Variants in MED12L observed in about 807,000 individuals in gnomAD.
The protein encoded by MED12L is mediator complex subunit 12L.
A neutral mutation model predicts 281.3 loss-of-function variants in MED12L; 60 were observed. The ratio of observed to expected loss-of-function variants is 0.21; its 90% CI spans 0.17 to 0.26. The LOEUF is 0.26. MED12L is among the 10% of genes least tolerant of loss of function. The pLI is 1.00. For synonymous variants in MED12L, 974 were observed against 987.2 expected (o/e 0.99, Z 0.25); for missense variants, 2,146 against 2,680.9 (o/e 0.80, Z 4.41).
At chr3:151,416,759 A>G (rs1253011286) in intron 43 of MED12L, among the ~76,000 whole-genome samples, 1 of 152,192 alleles carries the variant, frequency 6.6e-6, no homozygotes, top group East Asian at 1.9e-4. Flanking sequence ...AGAGTGTCTT[A>G]CCATACTTTG....
intron 16 of MED12L, among the ~76,000 whole-genome samples, chr3:151,243,259 C>T (rs986721037): frequency 1.3e-5 from 2 of 151,738 alleles, no homozygotes; most frequent in African/African-American, 4.9e-5. Flanking sequence ...TCAGGAAGTA[C>T]AGAGAACGCC....
intron 16 of MED12L, chr3:151,261,252 A>C (rs1203990243): frequency 4.6e-5 from 7 of 152,122 alleles, no homozygotes; most frequent in African/African-American, 1.4e-4. Flanking sequence ...CCAAAAAAAA[A>C]CCCCAAAAGG....
chr3:151,411,416 A>G lies in MED12L; in HGVS notation c.6049A>G (p.Met2017Val). The change falls in exon 41 of 45, where the codon ATG becomes GTG. Residue 2017 changes from methionine to valine, a missense_variant. Around this residue, in one of 9 missense-constraint regions of MED12L, gnomAD observed 496 missense variants for 512.0 expected, o/e 0.97. Coordinates refer to ENST00000687756, the MANE Select transcript of MED12L (RefSeq NM_001393769.1). ...YPAAHSNPVL[M>V]ERLRQIQQQP... ...GGCCGCACATTCCAACCCCGTGCTA[A>G]TGGAAAGACTCAGACAGATTCAGCA... is the stretch of plus-strand genomic sequence containing the variant. 6.2e-7 allele frequency: 1 copy of G among 1,614,194 alleles called. No homozygotes were observed. Among genetic ancestry groups the G allele is most frequent in the Non-Finnish European group, 8.5e-7 (1 of 1,180,036 alleles).
chr3:151,347,613 G>A (rs1004141422), intron 16 of MED12L, among the ~76,000 whole-genome samples: 3 of 152,092 alleles, frequency 2.0e-5, no homozygotes, highest in Non-Finnish European at 2.9e-5. Context: ...GTGTAAGGAC[G>A]AGCAACAGCA....
In MED12L at chr3:151,396,091, T is replaced by G. The variant is rs541822860; in HGVS notation, c.5820+1224T>G. Among the ~76,000 whole-genome samples the G allele has an allele frequency of 5.3e-5, 8 of 152,314 alleles. No individual in the cohort carries two copies. In the South Asian group the frequency reaches 1.7e-3, roughly 32 times the overall value. On this transcript the variant is annotated intron_variant, in intron 39 of 44. Coordinates refer to ENST00000687756, the MANE Select transcript of MED12L (RefSeq NM_001393769.1). ...CTCCCTGAGTGTCAGAAAGGATGAG[T>G]CTAAGCTGCTGCTTGCACATAAATG...
chr3:151,374,609 C>CCT (rs1276802605), intron 27 of MED12L, among the ~76,000 whole-genome samples: 1 of 152,138 alleles, frequency 6.6e-6, no homozygotes, highest in Non-Finnish European at 1.5e-5. Flanking sequence ...AACAAACCTA[C>CCT]CTAAAAGGCT....
chr3:151,328,935 G>C (rs754757932), intron 16 of MED12L: 1 of 1,613,656 alleles, frequency 6.2e-7, no homozygotes, highest in Non-Finnish European at 8.5e-7. Context: ...TGTACTATCC[G>C]AGTGTCTCTG....
At chr3:151,297,873 C>CAT (rs963462783) in intron 16 of MED12L, among the ~76,000 whole-genome samples, 32 of 151,794 alleles carry the variant, frequency 2.1e-4, no homozygotes, top group African/African-American at 7.0e-4. Flanking sequence ...TACATATATA[C>CAT]ATATATATAT....
chr3:151,134,843 A>G (rs1715907125), intron 5 of MED12L, among the ~76,000 whole-genome samples: 1 of 152,150 alleles, frequency 6.6e-6, no homozygotes, highest in Non-Finnish European at 1.5e-5. Flanking sequence ...CAGCTTGAGC[A>G]TCAGTTACCA....
intron 5 of MED12L, among the ~76,000 whole-genome samples, chr3:151,137,175 A>G (rs1040853124): frequency 7.3e-5 from 9 of 123,674 alleles, no homozygotes; most frequent in Non-Finnish European, 1.4e-4. Context: ...AAAAAAAGAA[A>G]AAAAAAAAAA....
At chr3:151,151,125 G>A (rs182460483) in intron 5 of MED12L, among the ~76,000 whole-genome samples, 205 of 139,476 alleles carry the variant, frequency 1.5e-3, no homozygotes, top group Admixed American at 3.5e-3. Context: ...CAAGCTCCAC[G>A]TCCCGGGGTT....
rs148538586 is a variant in MED12L, at chr3:151,375,970, C to CATAT, written c.3865-48_3865-45dup. The CATAT allele has an allele frequency of 3.5e-4, 287 of 813,148 alleles. 3 individuals carry two copies. The African/African-American group carries it at 4.6e-3, about 13-fold the overall frequency. 50.4% of individuals were successfully genotyped at this position (813,148 alleles called of 1,614,324 possible). ...TGCACTGTGGATTTAGTACATATTG[C>CATAT]ATATATATATACCGAAAGCCAGTGC... On this transcript the variant is annotated intron_variant, in intron 27 of 44. Coordinates refer to ENST00000687756, the MANE Select transcript of MED12L (RefSeq NM_001393769.1).
At chr3:151,416,182 TGCA>T (rs1342593230) in intron 42 of MED12L, 127 bp from the exon 43 acceptor site, 1 of 1,515,874 alleles carries the variant, frequency 6.6e-7, no homozygotes, top group Non-Finnish European at 9.0e-7. Flanking sequence ...AAGGTAGAGA[TGCA>T]GCAGGCAGGT....
intron 5 of MED12L, among the ~76,000 whole-genome samples, chr3:151,154,053 G>A (rs1008713058): frequency 2.0e-5 from 3 of 152,010 alleles, no homozygotes; most frequent in African/African-American, 4.8e-5. Flanking sequence ...TCATTGGTCC[G>A]GTTTCATTAC....
intron 16 of MED12L, among the ~76,000 whole-genome samples, chr3:151,310,134 C>T (rs1400909376): frequency 1.3e-5 from 2 of 151,984 alleles, no homozygotes; most frequent in African/African-American, 4.8e-5. Flanking sequence ...CAGCAGCAGC[C>T]CCACAGGTTA....
chr3:151,322,304 G>T (rs1183983181), intron 16 of MED12L, among the ~76,000 whole-genome samples: 6 of 152,064 alleles, frequency 3.9e-5, no homozygotes, highest in Non-Finnish European at 8.8e-5. Context: ...TCACACTTTT[G>T]CCTCCCGAGT....
chr3:151,128,625 A>G (rs1428277575), intron 5 of MED12L, among the ~76,000 whole-genome samples: 1 of 151,974 alleles, frequency 6.6e-6, no homozygotes, highest in Non-Finnish European at 1.5e-5. Flanking sequence ...GAATATTTGC[A>G]TGCTTCTGTC....
chr3:151,322,098 T>TATGC (rs1459983073), intron 16 of MED12L, among the ~76,000 whole-genome samples: 1 of 152,234 alleles, frequency 6.6e-6, no homozygotes, highest in East Asian at 1.9e-4. Flanking sequence ...ACATGTTCAC[T>TATGC]ATGCACATCA....
chr3:151,150,639 A>G (rs1327930942), intron 5 of MED12L, among the ~76,000 whole-genome samples: 1 of 152,226 alleles, frequency 6.6e-6, no homozygotes, highest in East Asian at 1.9e-4. Flanking sequence ...CCTGGATGGC[A>G]TCTTCTTCCA....
Sources: gnomAD v4.1 joint callset for allele counts (sites outside exome capture counted in the v4.1 genomes callset) on GRCh38, gnomAD v4.1.1 for gene constraint, gnomAD v4.1.1 regional missense constraint, MANE v1.5 for transcripts, NCBI Gene and HGNC (gene_info 2026-07-23, HGNC 2026-07-21) for gene names.